Variants in C1R observed in about 807,000 individuals in gnomAD.
The protein encoded by C1R is complement C1r subcomponent.
In C1R, 15 loss-of-function variants were observed where a neutral mutation model predicts 27.6. The ratio of observed to expected loss-of-function variants is 0.54; its 90% confidence interval spans 0.36 to 0.84. The LOEUF is 0.84. C1R is among the 40% of genes least tolerant of loss of function. C1R has a pLI of 0.01. For missense variants in C1R, 544 were observed against 577.9 expected, an observed-to-expected ratio of 0.94 and a Z score of 0.60; for synonymous variants, 253 against 228.8, an observed-to-expected ratio of 1.11 and a Z score of -0.95.
rs1271207935 is a variant in C1R, at chr12:7,090,252, G to A, written c.232-4C>T. On this transcript the variant is annotated splice_region_variant and splice_polypyrimidine_tract_variant and intron_variant, in intron 2 of 10. Transcript: ENST00000647956. ...GGCTTTTCTTATCAGCAGAGATCTG[G>A]TGGAAGAAGGACAGGGGGTAGGAAG... 2.8e-6 allele frequency: 2 copies of A among 725,694 alleles called. No individual in the cohort carries two copies. The allele number at this position is 725,694 out of a possible 1,614,324, so 45.0% of individuals were successfully genotyped here.
Position 7,091,848 on chromosome 12 carries a change from T to C in C1R, c.3-168A>G, listed in dbSNP as rs1373034744. The stretch of plus-strand genomic sequence containing the variant: ...AGCAGGGGTGCGTGGGTGGGGAGGA[T>C]GGCCTGTGCAGCTGCTGCATCGGGT... On this transcript the variant is annotated intron_variant, in intron 1 of 10. Coordinates refer to ENST00000647956, the MANE Select transcript of C1R (RefSeq NM_001733.7). This position sits in a 1 kb window ranked among gnomAD's most constrained non-coding sequence, Gnocchi z 5.1. 2 of 700,210 alleles carry C rather than the reference T, an allele frequency of 2.9e-6. No individual in the cohort carries two copies. The highest frequency in any genetic ancestry group is 4.0e-5 in the Admixed American group (2 of 49,924). The allele number at this position is 700,210 out of a possible 1,614,324, so 43.4% of individuals were successfully genotyped here.
chr12:7,082,170 G>A (rs1938076290), intron 9 of C1R, 64 bp from the exon 10 acceptor site: 2 of 905,880 alleles, frequency 2.2e-6, no homozygotes, highest in East Asian at 2.6e-5. Flanking sequence ...GGTTGCAGAG[G>A]CCAGCAAGTA....
At chr12:7,084,758 ATGG>A (rs1565629342) in intron 9 of C1R, among the ~76,000 whole-genome samples, 1 of 138,306 alleles carries the variant, frequency 7.2e-6, no homozygotes. Flanking sequence ...GGTAATGGTG[ATGG>A]TGGTGATGGT....
chr12:7,088,027 T>C (rs775717041), intron 7 of C1R, among the ~76,000 whole-genome samples: 9 of 152,112 alleles, frequency 5.9e-5, no homozygotes, highest in Admixed American at 2.0e-4. Context: ...GACAGGACGG[T>C]GGGCGCAGGG....
chr12:7,085,812 AC>A, intron 9 of C1R, 48 bp downstream of exon 9: 1 of 398,414 alleles, frequency 2.5e-6, no homozygotes, highest in Non-Finnish European at 4.4e-6. Context: ...CTCAGAGGAT[AC>A]CCCAAGGGGA....
intron 7 of C1R, among the ~76,000 whole-genome samples, chr12:7,088,223 T>G (rs1197969208): frequency 6.6e-6 from 1 of 152,208 alleles, no homozygotes; most frequent in African/African-American, 2.4e-5. Flanking sequence ...GGCTGTGCAT[T>G]AGAATCACCT....
chr12:7,086,451 G>T lies in C1R; in HGVS notation c.1045C>A (p.Gln349Lys). 2 of 398,700 alleles carry T rather than the reference G, an allele frequency of 5.0e-6. No individual in the cohort carries two copies. Among genetic ancestry groups the T allele is most frequent in the Non-Finnish European group, 8.8e-6 (2 of 226,118 alleles). 24.7% of individuals were successfully genotyped at this position (398,700 alleles called of 1,614,324 possible). The change falls in exon 8 of 11, where the codon CAG becomes AAG. Residue 349 changes from glutamine to lysine, a missense_variant. Gln to Lys is a moderately conservative substitution (Grantham distance 53). This residue lies in a region of C1R where 291 missense variants were observed against 209.0 expected (regional missense o/e 1.39). Coordinates refer to ENST00000647956, the MANE Select transcript of C1R (RefSeq NM_001733.7). ...KQGYQLIEGN[Q>K]VLHSFTAVCQ... The stretch of plus-strand genomic sequence containing the variant: ...ACAGCTGTGAAGGAATGCAGCACCT[G>T]GTTCCCCTGTTGAGCAGAGGATAGA...
chr12:7,081,090 G>A lies in C1R; in HGVS notation c.1560C>T (p.Phe520=). The A allele has an allele frequency of 6.2e-7, 1 of 1,614,038 alleles. No homozygotes were observed. The highest frequency in any genetic ancestry group is 1.1e-5 in the South Asian group (1 of 91,080). Residue 520 remains phenylalanine (F), a synonymous_variant, in exon 11 of 11, where the codon TTC becomes TTT. Coordinates refer to ENST00000647956, the MANE Select transcript of C1R (RefSeq NM_001733.7). ...EAQSNASLDV[F]LGHTNVEELM... is the part of the protein sequence containing the mutation. ...GCTCTTCCACATTTGTGTGGCCCAG[G>A]AACACATCCAAAGAGGCGTTGCTTT...
chr12:7,092,069 G>T (rs1482536008), intron 1 of C1R: 3 of 575,916 alleles, frequency 5.2e-6, no homozygotes, highest in African/African-American at 1.9e-5. Context: ...AAGAGCGTCT[G>T]GGAGAAACCA....
chr12:7,090,444 C>A (rs6487521), intron 2 of C1R, 196 bp from the exon 3 acceptor site: 1 of 592,764 alleles, frequency 1.7e-6, no homozygotes, highest in African/African-American at 1.9e-5. Context: ...CTCCCACTGA[C>A]TCACTCTTTG....
At chr12:7,086,649 G>C in intron 7 of C1R, 192 bp from the exon 8 acceptor site, 1 of 383,188 alleles carries the variant, frequency 2.6e-6, no homozygotes, top group Non-Finnish European at 4.6e-6. Flanking sequence ...TTACAGACAG[G>C]AGCATTGAGC....
chr12:7,091,586 GAGGGGAAGTCA>G lies in C1R; in HGVS notation c.86_96del (p.Val29AlafsTer11). ...TTGTTGGGGTAAGGCTTGGGGAACA[GAGGGGAAGTCA>G]CCTCCCCAAATAACTTCTGAGGGAT... On this transcript the variant is annotated frameshift_variant, in exon 2 of 11. Coordinates refer to ENST00000647956, the MANE Select transcript of C1R (RefSeq NM_001733.7). LOFTEE classifies it high-confidence loss of function. The surrounding 1 kb of genome is among the most constrained non-coding windows in gnomAD (Gnocchi z 5.1). The G allele has an allele frequency of 1.3e-6, 1 of 772,962 alleles. No homozygotes were observed. Among genetic ancestry groups the G allele is most frequent in the Admixed American group, 1.7e-5 (1 of 57,770 alleles). 47.9% of individuals were successfully genotyped at this position (772,962 alleles called of 1,614,324 possible).
At chr12:7,087,439 G>T (rs1045492066) in intron 7 of C1R, 2 of 154,412 alleles carry the variant, frequency 1.3e-5, no homozygotes, top group Non-Finnish European at 2.9e-5. Context: ...CCTGGAAAAG[G>T]TTGTAAGAGA....
At position 7,088,707 on chromosome 12, in the gene C1R, G is replaced by T. The variant is rs1255043359; in HGVS notation, c.941C>A (p.Thr314Asn). The T allele has an allele frequency of 1.3e-6, 1 of 776,940 alleles. No homozygotes were observed. The allele number at this position is 776,940 out of a possible 1,614,324, so 48.1% of individuals were successfully genotyped here. ...CTGGATGATGGTGAACTCGTCTAGG[G>T]TCTTGGGCTGGGGGCACTTGATGAC... is the stretch of plus-strand genomic sequence containing the variant. ...TEIIKCPQPK[T>N]LDEFTIIQNL... is the part of the protein sequence containing the mutation. The change falls in exon 7 of 11, where the codon ACC becomes AAC. Residue 314 changes from threonine to asparagine, a missense_variant. This residue lies in a region of C1R where 291 missense variants were observed against 209.0 expected (regional missense o/e 1.39). Coordinates refer to ENST00000647956, the MANE Select transcript of C1R (RefSeq NM_001733.7).
chr12:7,083,649 T>TGGTGATGGTGGTGTTG (rs1938108167), intron 9 of C1R, among the ~76,000 whole-genome samples: 2 of 56 alleles, frequency 0.036, no homozygotes, highest in African/African-American at 0.17. Flanking sequence ...GTGTTGGTGG[T>TGGTGATGGTGGTGTTG]GNNNNNNNNN....
At position 7,088,926 on chromosome 12, in the gene C1R, C is replaced by T. The variant is rs775244665; in HGVS notation, c.829G>A (p.Asp277Asn). 15 of 763,650 alleles carry T rather than the reference C, an allele frequency of 2.0e-5. No individual in the cohort carries two copies. Among genetic ancestry groups the T allele is most frequent in the African/African-American group, 6.8e-5 (4 of 58,408 alleles). 47.3% of individuals were successfully genotyped at this position (763,650 alleles called of 1,614,324 possible). The change falls in exon 6 of 11, where the codon GAC becomes AAC. Residue 277 changes from aspartate (D) to asparagine (N), a missense_variant. Coordinates refer to ENST00000647956, the MANE Select transcript of C1R (RefSeq NM_001733.7). ...FCGKQRPPDL[D>N]TSSNAVDLLF... is the part of the protein sequence containing the mutation. Reference sequence around the variant, plus strand: ...AGATCCACAGCATTGCTGCTGGTGTCGAGGTCGGGGGGCCTTTGCTTCCCA... The same window carrying T: ...AGATCCACAGCATTGCTGCTGGTGTTGAGGTCGGGGGGCCTTTGCTTCCCA...
rs1225310113 is a variant in C1R, at chr12:7,080,435, A to G, written c.*97T>C. The G allele has an allele frequency of 4.7e-6, 7 of 1,479,116 alleles. No individual in the cohort carries two copies. The East Asian group carries it at 1.4e-4, about 29-fold the overall frequency. 91.6% of individuals were successfully genotyped at this position (1,479,116 alleles called of 1,614,324 possible). A position where few individuals can be genotyped will look rare whatever the true frequency, so the allele number is the denominator to read the frequency against. On this transcript the variant is annotated 3_prime_UTR_variant, in exon 11 of 11. Coordinates refer to ENST00000647956, the MANE Select transcript of C1R (RefSeq NM_001733.7). The surrounding 1 kb of genome is among the most constrained non-coding windows in gnomAD (Gnocchi z 4.9). The stretch of plus-strand genomic sequence containing the variant: ...ACGGTCTTTCTGCATCAGTAATTTT[A>G]ATAGAGACTCTTAGTGGTTATCAAC...
At chr12:7,092,344 C>T in intron 1 of C1R, 43 bp downstream of exon 1, 1 of 780,796 alleles carries the variant, frequency 1.3e-6, no homozygotes, top group Non-Finnish European at 2.4e-6. Flanking sequence ...GGCTTCTCCC[C>T]TGGCTTCTCC....
At chr12:7,083,306 TTGGTAA>T (rs1165804492) in intron 9 of C1R, among the ~76,000 whole-genome samples, 3 of 6,190 alleles carry the variant, frequency 4.8e-4, no homozygotes, top group African/African-American at 8.6e-4. Flanking sequence ...GATGATGGTG[TTGGTAA>T]TGGTGATGGT....
Sources: allele counts gnomAD v4.1 joint callset (sites outside exome capture counted in the v4.1 genomes callset), GRCh38; gene constraint gnomAD v4.1.1; regional missense constraint gnomAD v4.1.1; non-coding constraint Gnocchi (gnomAD v3.1); transcripts MANE v1.5; gene names NCBI Gene and HGNC (gene_info 2026-07-23, HGNC 2026-07-21).